The following PGM2L1 variants were observed in gnomAD, a reference collection of about 807,000 sequenced individuals.
PGM2L1 encodes phosphoglucomutase 2 like 1.
A neutral mutation model predicts 73.4 loss-of-function variants in PGM2L1; 35 were observed. The ratio of observed to expected loss-of-function variants is 0.48; its 90% CI spans 0.36 to 0.63. The LOEUF (loss-of-function observed/expected upper bound fraction) is 0.63. PGM2L1 is among the 30% of genes least tolerant of loss of function. The pLI, the probability that PGM2L1 is intolerant of heterozygous loss-of-function variation, is 0.00. For synonymous variants in PGM2L1, 225 were observed against 253.8 expected, an observed-to-expected ratio of 0.89 and a Z score of 1.08; for missense variants, 570 against 742.0, an observed-to-expected ratio of 0.77 and a Z score of 2.69.
chr11:74,380,573 AAAT>A (rs1235314831), intron 1 of PGM2L1, among the ~76,000 whole-genome samples: 3 of 152,172 alleles, frequency 2.0e-5, no homozygotes, highest in Non-Finnish European at 4.4e-5. Flanking sequence ...CCAAAGTAGA[AAAT>A]AATCCTTGAA....
chr11:74,331,346 T>G lies in PGM2L1; in HGVS notation c.*5306A>C, dbSNP rs923237443. ...GGCGCGATCTTGGCTCACCACAACC[T>G]CCACCTCCTGGGTTCAAGTGATTCT... On this transcript the variant is annotated 3_prime_UTR_variant, in exon 14 of 14. Transcript: ENST00000298198. 3 of 143,026 alleles carry G rather than the reference T, an allele frequency of 2.1e-5. No individual in the cohort carries two copies. The highest frequency in any genetic ancestry group is 7.6e-5 in the African/African-American group (3 of 39,714). 8.9% of individuals were successfully genotyped at this position (143,026 alleles called of 1,614,324 possible).
intron 2 of PGM2L1, among the ~76,000 whole-genome samples, chr11:74,372,754 A>G (rs1001700944): frequency 2.0e-5 from 3 of 152,200 alleles, no homozygotes; most frequent in African/African-American, 7.2e-5. Flanking sequence ...GACCTATTAT[A>G]TGGCAGGCAC....
intron 12 of PGM2L1, among the ~76,000 whole-genome samples, chr11:74,339,128 A>G (rs1279293): frequency 0.72 from 109,239 of 151,960 alleles, 39,926 homozygotes; most frequent in African/African-American, 0.84. Flanking sequence ...TAAACAACCC[A>G]TTCAAGACAA....
At chr11:74,381,315 T>G (rs1862939368) in intron 1 of PGM2L1, among the ~76,000 whole-genome samples, 1 of 152,128 alleles carries the variant, frequency 6.6e-6, no homozygotes. Context: ...ACCACTTCCA[T>G]GCCTAGCCCC....
At chr11:74,387,240 A>G (rs1461910494) in intron 1 of PGM2L1, among the ~76,000 whole-genome samples, 3 of 152,212 alleles carry the variant, frequency 2.0e-5, no homozygotes, top group Admixed American at 2.0e-4. Context: ...CATTACATCA[A>G]ATGTAAAAAT....
At chr11:74,350,809 G>A (rs1053215060) in intron 6 of PGM2L1, among the ~76,000 whole-genome samples, 75 of 152,196 alleles carry the variant, frequency 4.9e-4, no homozygotes, top group Admixed American at 1.8e-3. Flanking sequence ...CCCAGGAAGC[G>A]GAGGTTGCAG....
rs910094968 is a variant in PGM2L1 at position 74,333,932 on chromosome 11, G to A, written c.*2720C>T. On this transcript the variant is annotated 3_prime_UTR_variant, in exon 14 of 14. Transcript: ENST00000298198. Reference sequence around the variant, plus strand: ...GAAAAAGATAAACATTGTAGTGCCCGAGGCTGAGACCTCCTAGCCAGCACT... The same window carrying A: ...GAAAAAGATAAACATTGTAGTGCCCAAGGCTGAGACCTCCTAGCCAGCACT... 1 of 152,120 alleles carries A rather than the reference G, an allele frequency of 6.6e-6. No homozygotes were observed. The highest frequency in any genetic ancestry group is 2.4e-5 in the African/African-American group (1 of 41,428). 9.4% of individuals were successfully genotyped at this position (152,120 alleles called of 1,614,324 possible). A position where few individuals can be genotyped will look rare whatever the true frequency, so the allele number is the denominator to read the frequency against.
chr11:74,372,993 G>A (rs1862795666), intron 2 of PGM2L1, among the ~76,000 whole-genome samples: 1 of 151,138 alleles, frequency 6.6e-6, no homozygotes. Context: ...TATGCATTAG[G>A]TTGGTGGAAA....
At chr11:74,357,452 A>G (rs192404106) in intron 5 of PGM2L1, among the ~76,000 whole-genome samples, 4 of 152,334 alleles carry the variant, frequency 2.6e-5, no homozygotes, top group Non-Finnish European at 5.9e-5. Flanking sequence ...TCATCAGAAA[A>G]ATGGAAATTA....
Position 74,343,325 on chromosome 11 carries a change from A to G in PGM2L1, c.1310T>C (p.Ile437Thr), listed in dbSNP as rs199706907. 1.1e-5 allele frequency: 18 copies of G among 1,604,314 alleles called. No individual in the cohort carries two copies. Among genetic ancestry groups the G allele is most frequent in the Non-Finnish European group, 1.4e-5 (16 of 1,177,768 alleles). ...KEVLFAFEES[I>T]GFLCGTSVLD... is the part of the protein sequence containing the mutation. ...AGATTTTAATATTTACTACATACCA[A>G]TAGACTCTTCAAATGCAAAAAGGAC... The change falls in exon 10 of 14, where the codon ATT (isoleucine) becomes ACT (threonine). Residue 437 changes from isoleucine to threonine, a missense_variant and splice_region_variant. Physicochemically the swap from Ile to Thr is moderately conservative, Grantham distance 89. Coordinates refer to ENST00000298198, the MANE Select transcript of PGM2L1 (RefSeq NM_173582.6).
intron 1 of PGM2L1, among the ~76,000 whole-genome samples, chr11:74,375,166 A>G (rs554585361): frequency 4.6e-5 from 7 of 152,364 alleles, no homozygotes; most frequent in East Asian, 1.9e-4. Context: ...CAATTTATCT[A>G]TGGCACAAGT....
intron 1 of PGM2L1, 83 bp downstream of exon 1, chr11:74,397,968 C>A (rs546892497): frequency 2.1e-6 from 3 of 1,440,324 alleles, no homozygotes; most frequent in Non-Finnish European, 2.7e-6. Flanking sequence ...TCCTCTGCAG[C>A]CCGCGGGGCG....
intron 9 of PGM2L1, 60 bp downstream of exon 9, chr11:74,345,409 T>A: frequency 1.5e-6 from 2 of 1,377,228 alleles, no homozygotes; most frequent in Non-Finnish European, 2.0e-6. Flanking sequence ...GGTGGGGAGA[T>A]GTCTTTAACA....
rs189236294 is a variant in PGM2L1 at position 74,349,034 on chromosome 11, A to T, written c.750-1697T>A. Among the ~76,000 whole-genome samples the T allele has an allele frequency of 2.0e-5, 3 of 152,342 alleles. No individual in the cohort carries two copies. The East Asian group carries it at 5.8e-4, about 29-fold the overall frequency. On this transcript the variant is annotated intron_variant, in intron 6 of 13. Coordinates refer to ENST00000298198, the MANE Select transcript of PGM2L1 (RefSeq NM_173582.6). ...CATCAACATTTCACCTATGGGTCTT[A>T]GCAGCCCTTGATAAGAATTACTTAG...
intron 9 of PGM2L1, 92 bp downstream of exon 9, chr11:74,345,377 G>A (rs1325655302): frequency 1.8e-6 from 2 of 1,120,104 alleles, no homozygotes; most frequent in Non-Finnish European, 2.5e-6. Context: ...AATTACAAAT[G>A]AAATCAATGA....
At chr11:74,384,686 G>GTTT (rs1862996220) in intron 1 of PGM2L1, among the ~76,000 whole-genome samples, 1 of 152,066 alleles carries the variant, frequency 6.6e-6, no homozygotes, top group South Asian at 2.1e-4. Flanking sequence ...TTTGTTTGTT[G>GTTT]TTTTGCTTTT....
At chr11:74,397,432 A>G (rs1863193262) in intron 1 of PGM2L1, 1 of 152,264 alleles carries the variant, frequency 6.6e-6, no homozygotes, top group Admixed American at 6.5e-5. Context: ...AGAGTACCAC[A>G]TGAAACCTGG....
chr11:74,336,660 A>G lies in PGM2L1; in HGVS notation c.1861T>C (p.Ser621Pro). The G allele has an allele frequency of 1.2e-6, 2 of 1,604,584 alleles. No homozygotes were observed. The highest frequency in any genetic ancestry group is 1.1e-5 in the South Asian group (1 of 90,120). ...QPSKNGLIWR[S>P]V ...GACATATTGGTGTACCCCTAAACAG[A>G]ACGCCAGATCAGTCCATTCTTACTA... Residue 621 changes from serine to proline, a missense_variant, in exon 14 of 14, where the codon TCT (serine) becomes CCT (proline). By Grantham distance (74) the Ser-to-Pro change is moderately conservative (BLOSUM62 -1). Transcript: ENST00000298198.
chr11:74,362,462 A>G (rs1011859916), intron 5 of PGM2L1, among the ~76,000 whole-genome samples: 4 of 152,230 alleles, frequency 2.6e-5, no homozygotes, highest in Admixed American at 2.6e-4. Flanking sequence ...AAGACTATTA[A>G]TGCTAGGAAG....
Sources: allele counts gnomAD v4.1 joint callset (sites outside exome capture counted in the v4.1 genomes callset), GRCh38; gene constraint gnomAD v4.1.1; transcripts MANE v1.5; gene names NCBI Gene and HGNC (gene_info 2026-07-23, HGNC 2026-07-21).